The following MYRF variants were observed in gnomAD, a reference collection of about 807,000 sequenced individuals.
The protein encoded by MYRF is myelin gene regulatory factor.
MYRF carries 16 observed loss-of-function variants against 126.3 expected under a neutral mutation model. The ratio of observed to expected loss-of-function variants is 0.13; its 90% confidence interval spans 0.09 to 0.19. The LOEUF (loss-of-function observed/expected upper bound fraction) is 0.19, where lower values mean the gene tolerates loss of function less well. Among genes scored for constraint, MYRF ranks in the 10% least tolerant of loss-of-function variants. The pLI is 1.00. For missense variants in MYRF, 1,104 were observed against 1,547.0 expected (o/e 0.71, Z 4.80); for synonymous variants, 608 against 635.3 (o/e 0.96, Z 0.65).
Position 61,757,086 on chromosome 11 carries a change from C to T in MYRF, c.46+4296C>T, listed in dbSNP as rs544206532. ...CTACCCAGGCAGCCTGCCTTACCTT[C>T]CCACCTTCCTCTTCACGGACCTAGC... On this transcript the variant is annotated intron_variant, in intron 1 of 26. Coordinates refer to ENST00000278836, the MANE Select transcript of MYRF (RefSeq NM_001127392.3). This position sits in a 1 kb window ranked among gnomAD's most constrained non-coding sequence, Gnocchi z 4.7. 2.9e-4 allele frequency: 125 copies of T among 438,498 alleles called. No individual in the cohort carries two copies. Among genetic ancestry groups the T allele is most frequent in the South Asian group, 1.9e-3 (122 of 63,972 alleles). The allele number at this position is 438,498 out of a possible 1,614,324, so 27.2% of individuals were successfully genotyped here.
chr11:61,787,752 A>T lies in MYRF; in HGVS notation c.*1609A>T, dbSNP rs2066726642. ...CAGGGGCTGAGCCTTCCTTATGATG[A>T]CTTTGTTCTCCCTCCCACTGGGGGA... On this transcript the variant is annotated 3_prime_UTR_variant, in exon 27 of 27. Coordinates refer to ENST00000278836, the MANE Select transcript of MYRF (RefSeq NM_001127392.3). 1 of 152,654 alleles carries T rather than the reference A, an allele frequency of 6.6e-6. No individual in the cohort carries two copies. The highest frequency in any genetic ancestry group is 1.5e-5 in the Non-Finnish European group (1 of 68,014). The allele number at this position is 152,654 out of a possible 1,614,324, so 9.5% of individuals were successfully genotyped here.
rs1006839772 is a variant in MYRF at position 61,776,645 on chromosome 11, T to C, written c.1500-142T>C. ...AGCCCTGGCTTCTTGCTGTGGGCCC[T>C]GGGGAATTTCTGCCCCCTGGTGGAG... On this transcript the variant is annotated intron_variant, in intron 10 of 26. Coordinates refer to ENST00000278836, the MANE Select transcript of MYRF (RefSeq NM_001127392.3). This position sits in a 1 kb window ranked among gnomAD's most constrained non-coding sequence, Gnocchi z 4.3. 2.6e-6 allele frequency: 2 copies of C among 759,396 alleles called. No individual in the cohort carries two copies. Among genetic ancestry groups the C allele is most frequent in the African/African-American group, 1.8e-5 (1 of 56,630 alleles). The allele number at this position is 759,396 out of a possible 1,614,324, so 47.0% of individuals were successfully genotyped here. A position where few individuals can be genotyped will look rare whatever the true frequency, so the allele number is the denominator to read the frequency against.
At chr11:61,758,909 G>T (rs198474) in intron 1 of MYRF, among the ~76,000 whole-genome samples, 1,764 of 152,358 alleles carry the variant, frequency 0.012, 37 homozygotes, top group African/African-American at 0.039. Context: ...GATGAACGCT[G>T]GTGTGCGCAT....
At chr11:61,780,671 C>T (rs1368545499) in intron 18 of MYRF, 41 bp from the exon 19 acceptor site, 2 of 1,532,732 alleles carry the variant, frequency 1.3e-6, no homozygotes, top group Non-Finnish European at 1.8e-6. Flanking sequence ...CTTCTCTTCC[C>T]CTTTGCCTGT....
chr11:61,775,961 G>A, intron 8 of MYRF, 95 bp from the exon 9 acceptor site: 1 of 1,169,186 alleles, frequency 8.6e-7, no homozygotes, highest in Non-Finnish European at 1.3e-6. Flanking sequence ...TTCCTGGTGA[G>A]CTCTAGTTGG....
chr11:61,787,975 G>T lies in MYRF; in HGVS notation c.*1832G>T, dbSNP rs1219177174. The T allele has an allele frequency of 6.5e-6, 1 of 152,792 alleles. No homozygotes were observed. Among genetic ancestry groups the T allele is most frequent in the Non-Finnish European group, 1.5e-5 (1 of 68,152 alleles). The allele number at this position is 152,792 out of a possible 1,614,324, so 9.5% of individuals were successfully genotyped here. Reference sequence around the variant, plus strand: ...CAGCTGGCTCTGTTTCCAAGCCTGGGGAGGGGTTCCTCAGTGCAGGAGTTG... The same window carrying T: ...CAGCTGGCTCTGTTTCCAAGCCTGGTGAGGGGTTCCTCAGTGCAGGAGTTG... On this transcript the variant is annotated 3_prime_UTR_variant, in exon 27 of 27. Coordinates refer to ENST00000278836, the MANE Select transcript of MYRF (RefSeq NM_001127392.3).
chr11:61,754,368 A>T (rs1198031296), intron 1 of MYRF: 2 of 152,470 alleles, frequency 1.3e-5, no homozygotes, highest in Non-Finnish European at 2.9e-5. Flanking sequence ...GCAGCCCTGC[A>T]TCTGTCCCGG....
In MYRF at chr11:61,781,118, A is replaced by G. The variant is rs1591127543; in HGVS notation, c.2573-20A>G. 1 of 1,612,358 alleles carries G rather than the reference A, an allele frequency of 6.2e-7. No individual in the cohort carries two copies. Among genetic ancestry groups the G allele is most frequent in the Non-Finnish European group, 8.5e-7 (1 of 1,179,854 alleles). On this transcript the variant is annotated intron_variant, in intron 20 of 26. Coordinates refer to ENST00000278836, the MANE Select transcript of MYRF (RefSeq NM_001127392.3). ...TGTCTTTGGGGCTTCTCTGGCTCAT[A>G]CAGCCTCTGGCCTCCTCAGTGACCA...
In MYRF at chr11:61,776,953, T is replaced by G; in HGVS notation, c.1590+76T>G. ...GAAACAGCAAGCAGAAGTACCCGGG[T>G]ACTGAGAGTCAGGAGTGGGCATGCT... On this transcript the variant is annotated intron_variant, in intron 11 of 26. Coordinates refer to ENST00000278836, the MANE Select transcript of MYRF (RefSeq NM_001127392.3). The surrounding 1 kb of genome is among the most constrained non-coding windows in gnomAD (Gnocchi z 4.3). The G allele has an allele frequency of 3.0e-5, 37 of 1,233,922 alleles. No homozygotes were observed. The highest frequency in any genetic ancestry group is 4.1e-5 in the Non-Finnish European group (36 of 888,344). 76.4% of individuals were successfully genotyped at this position (1,233,922 alleles called of 1,614,324 possible).
Position 61,776,837 on chromosome 11 carries a change from A to G in MYRF, c.1550A>G (p.Tyr517Cys). The G allele has an allele frequency of 6.2e-7, 1 of 1,608,776 alleles. No homozygotes were observed. The highest frequency in any genetic ancestry group is 1.1e-5 in the South Asian group (1 of 89,736). ...ALQAHAQNQN[Y>C]TLAAQISERI... ...CAGGCTCATGCACAGAACCAGAACT[A>G]CACGCTGGCCGCCCAGATCTCAGAG... Residue 517 changes from tyrosine (Y) to cysteine (C), a missense_variant, in exon 11 of 27, where the codon TAC becomes TGC. By Grantham distance (194) the Tyr-to-Cys change is radical. Coordinates refer to ENST00000278836, the MANE Select transcript of MYRF (RefSeq NM_001127392.3). This position sits in a 1 kb window ranked among gnomAD's most constrained non-coding sequence, Gnocchi z 4.3.
At position 61,766,225 on chromosome 11, in the gene MYRF, A is replaced by C; in HGVS notation, c.398+4A>C. On this transcript the variant is annotated splice_donor_region_variant and intron_variant, in intron 3 of 26. Coordinates refer to ENST00000278836, the MANE Select transcript of MYRF (RefSeq NM_001127392.3). Reference sequence around the variant, plus strand: ...CCAAGGCTCCCTATGCCCCAGGGTGAGTAAGGGCAGGGAGTAGGGGGATAC... The same window carrying C: ...CCAAGGCTCCCTATGCCCCAGGGTGCGTAAGGGCAGGGAGTAGGGGGATAC... 1.2e-6 allele frequency: 2 copies of C among 1,602,208 alleles called. No individual in the cohort carries two copies. Among genetic ancestry groups the C allele is most frequent in the Non-Finnish European group, 1.7e-6 (2 of 1,175,926 alleles).
chr11:61,771,397 A>C (rs1400420420), intron 5 of MYRF, 103 bp from the exon 6 acceptor site: 3 of 1,482,538 alleles, frequency 2.0e-6, no homozygotes, highest in African/African-American at 1.4e-5. Flanking sequence ...GGCGGGGCAC[A>C]TCCTGGCCCA....
Position 61,778,239 on chromosome 11 carries a change from C to T in MYRF, c.1904-141C>T. The T allele has an allele frequency of 1.5e-6, 1 of 663,148 alleles. No individual in the cohort carries two copies. The highest frequency in any genetic ancestry group is 1.7e-5 in the South Asian group (1 of 57,400). 41.1% of individuals were successfully genotyped at this position (663,148 alleles called of 1,614,324 possible). ...GTGAACACTGGTTCGTGGGATCTCC[C>T]TGCTCCAGGGCTCCTTGGAATCCAA... On this transcript the variant is annotated intron_variant, in intron 13 of 26. Transcript: ENST00000278836. The surrounding 1 kb of genome is among the most constrained non-coding windows in gnomAD (Gnocchi z 4.6).
rs147755824 is a variant in MYRF, at chr11:61,780,279, A to G, written c.2394A>G (p.Val798=). The part of the protein sequence containing the change: ...VLSLRTEEDL[V]DTDGSFAVST... ...GCCTGCGCACAGAGGAGGACCTGGT[A>G]GACACTGATGGGTAGGTTCCTGGAG... is the stretch of plus-strand genomic sequence containing the variant. The change falls in exon 18 of 27, where the codon GTA becomes GTG. Residue 798 remains valine, a synonymous_variant. Transcript: ENST00000278836. 6 of 1,612,988 alleles carry G rather than the reference A, an allele frequency of 3.7e-6. No individual in the cohort carries two copies. The highest frequency in any genetic ancestry group is 5.1e-6 in the Non-Finnish European group (6 of 1,179,520).
Position 61,757,756 on chromosome 11 carries a change from G to A in MYRF, c.46+4966G>A. ...CAGGCTCTTTGCACGTTGTCTTCCT[G>A]GAGTCCTGGGGTGCAGTGGAAGCGT... On this transcript the variant is annotated intron_variant, in intron 1 of 26. Coordinates refer to ENST00000278836, the MANE Select transcript of MYRF (RefSeq NM_001127392.3). The surrounding 1 kb of genome is among the most constrained non-coding windows in gnomAD (Gnocchi z 4.7). 2.9e-6 allele frequency: 1 copy of A among 347,282 alleles called. No individual in the cohort carries two copies. The highest frequency in any genetic ancestry group is 5.7e-6 in the Non-Finnish European group (1 of 174,346). 21.5% of individuals were successfully genotyped at this position (347,282 alleles called of 1,614,324 possible).
intron 25 of MYRF, chr11:61,784,725 C>G (rs1207214922): frequency 8.5e-6 from 2 of 235,598 alleles, no homozygotes; most frequent in Non-Finnish European, 8.4e-6. Flanking sequence ...GAGGTGTCTG[C>G]AGAAGCAGGA....
At position 61,766,007 on chromosome 11, in the gene MYRF, G is replaced by C. The variant is rs769855524; in HGVS notation, c.184G>C (p.Gly62Arg). Residue 62 changes from glycine to arginine, a missense_variant, in exon 3 of 27, where the codon GGG (glycine) becomes CGG (arginine). Transcript: ENST00000278836. Reference protein sequence around the residue: ...APASSASYSHGQPAMPGSSGV... With the variant: ...APASSASYSHRQPAMPGSSGV... ...AGCCAGCTCGGCCTCCTACTCCCAC[G>C]GGCAGCCTGCGATGCCTGGCTCCAG... The C allele has an allele frequency of 2.3e-5, 37 of 1,579,916 alleles. No individual in the cohort carries two copies. In the Admixed American group the frequency reaches 4.2e-4, roughly 18 times the overall value.
Position 61,781,228 on chromosome 11 carries a change from C to T in MYRF, c.2663C>T (p.Ser888Phe), listed in dbSNP as rs760326740. 1.2e-6 allele frequency: 2 copies of T among 1,614,194 alleles called. No individual in the cohort carries two copies. The highest frequency in any genetic ancestry group is 1.7e-6 in the Non-Finnish European group (2 of 1,180,042). ...CACCCCTGCCCTGTCATCTGCTGTT[C>T]CTCACCCACTACCAACCCTACCACT... ...SSHPCPVICC[S>F]SPTTNPTTGP... The change falls in exon 21 of 27, where the codon TCC (serine) becomes TTC (phenylalanine). Residue 888 changes from serine to phenylalanine, a missense_variant. Coordinates refer to ENST00000278836, the MANE Select transcript of MYRF (RefSeq NM_001127392.3).
At chr11:61,773,045 G>A (rs1340834773) in intron 7 of MYRF, among the ~76,000 whole-genome samples, 1 of 144,074 alleles carries the variant, frequency 6.9e-6, no homozygotes, top group African/African-American at 2.6e-5. Context: ...TTGCTCTGTT[G>A]CCCAGGCTGG....
Sources: allele counts gnomAD v4.1 joint callset (sites outside exome capture counted in the v4.1 genomes callset), GRCh38; gene constraint gnomAD v4.1.1; non-coding constraint Gnocchi (gnomAD v3.1); transcripts MANE v1.5; gene names NCBI Gene and HGNC (gene_info 2026-07-23, HGNC 2026-07-21).